The following SLC60A1 variants were observed in gnomAD, a reference collection of about 807,000 sequenced individuals.
The protein encoded by SLC60A1 is solute carrier family 60 member 1, also known as major facilitator superfamily domain containing 4.
the SLC60A1 span, chr1:205,585,933 C>T: frequency 8.4e-6 from 11 of 1,313,782 alleles, no homozygotes; most frequent in East Asian, 2.7e-4. The surrounding 1 kb of genome is among the most constrained non-coding windows in gnomAD (Gnocchi z 4.2). Flanking sequence ...AGGCAGTCCT[C>T]CCTCTGCCCT....
At chr1:205,587,266 C>G in the SLC60A1 span, among the ~76,000 whole-genome samples, 3 of 152,216 alleles carry the variant, frequency 2.0e-5, no homozygotes, top group Non-Finnish European at 4.4e-5. Context: ...AACTGCAACT[C>G]ACTACCTTTC....
the SLC60A1 span, among the ~76,000 whole-genome samples, chr1:205,578,121 C>T: frequency 1.3e-5 from 2 of 152,216 alleles, no homozygotes; most frequent in Non-Finnish European, 2.9e-5. Flanking sequence ...GCTAGTTCTT[C>T]GAGAGAGTTT....
chr1:205,583,685 A>ACAT, the SLC60A1 span, among the ~76,000 whole-genome samples: 1 of 152,172 alleles, frequency 6.6e-6, no homozygotes, highest in Non-Finnish European at 1.5e-5. Context: ...GCCAGCAGAG[A>ACAT]GTTTGAGTCT....
the SLC60A1 span, chr1:205,591,920 AGGCG>A: frequency 3.6e-6 from 2 of 550,314 alleles, no homozygotes; most frequent in Non-Finnish European, 6.4e-6. Context: ...GAAGATGTCT[AGGCG>A]GGGGTCTCCT....
the SLC60A1 span, chr1:205,584,172 C>T: frequency 3.2e-6 from 5 of 1,541,364 alleles, no homozygotes; most frequent in Admixed American, 1.8e-5. Flanking sequence ...GTTGAGGCTT[C>T]CTTGGTAACC....
chr1:205,602,645 A>C, the SLC60A1 span: 1 of 152,568 alleles, frequency 6.6e-6, no homozygotes, highest in African/African-American at 2.4e-5. Context: ...CTGGTGGTCT[A>C]GGAGTATAGT....
the SLC60A1 span, among the ~76,000 whole-genome samples, chr1:205,581,672 G>A: frequency 1.3e-5 from 2 of 152,152 alleles, no homozygotes; most frequent in Non-Finnish European, 2.9e-5. This position sits in a 1 kb window ranked among gnomAD's most constrained non-coding sequence, Gnocchi z 4.2. Context: ...CATTACAGTG[G>A]CCACTGTCTT....
At chr1:205,579,642 A>G in the SLC60A1 span, 1 of 1,250,282 alleles carries the variant, frequency 8.0e-7, no homozygotes, top group Non-Finnish European at 1.2e-6. Context: ...TTCCTTTTCT[A>G]CCAGAGGGGG....
chr1:205,592,109 T>C, the SLC60A1 span: 1 of 1,612,264 alleles, frequency 6.2e-7, no homozygotes, highest in Non-Finnish European at 8.5e-7. Context: ...CTTTTCGCAA[T>C]TCCTAACCGC....
chr1:205,574,912 AAT>A, the SLC60A1 span, among the ~76,000 whole-genome samples: 3 of 152,106 alleles, frequency 2.0e-5, no homozygotes, highest in Non-Finnish European at 2.9e-5. Context: ...CGTAGCTTGG[AAT>A]CTCCCCAAAG....
chr1:205,599,176 A>T, the SLC60A1 span: 4 of 1,614,062 alleles, frequency 2.5e-6, no homozygotes, highest in Non-Finnish European at 3.4e-6. Flanking sequence ...CTGTGGCGTG[A>T]TCTTTGGTTG....
the SLC60A1 span, among the ~76,000 whole-genome samples, chr1:205,583,313 A>C: frequency 6.6e-6 from 1 of 152,196 alleles, no homozygotes; most frequent in Non-Finnish European, 1.5e-5. Context: ...TTTCTCAATC[A>C]AAAGGAGATC....
chr1:205,602,421 T>C, the SLC60A1 span: 1 of 152,644 alleles, frequency 6.6e-6, no homozygotes, highest in Non-Finnish European at 1.5e-5. Context: ...TTTTCACATG[T>C]AAAATGGCAT....
chr1:205,597,216 T>C, the SLC60A1 span, among the ~76,000 whole-genome samples: 22 of 152,234 alleles, frequency 1.4e-4, no homozygotes, highest in South Asian at 8.3e-4. Context: ...CCCTGAGATA[T>C]TGATGAGCAA....
the SLC60A1 span, chr1:205,580,074 G>C: frequency 5.7e-6 from 6 of 1,054,580 alleles, no homozygotes; most frequent in East Asian, 1.3e-4. This position sits in a 1 kb window ranked among gnomAD's most constrained non-coding sequence, Gnocchi z 5.0. Flanking sequence ...GTAAGTTCTA[G>C]ACTCGGTTTT....
the SLC60A1 span, among the ~76,000 whole-genome samples, chr1:205,582,145 C>T: frequency 5.9e-5 from 9 of 152,172 alleles, no homozygotes; most frequent in Admixed American, 2.0e-4. Flanking sequence ...GGAAAGAATG[C>T]GGCTTTGGGC....
At chr1:205,569,019 T>C in the SLC60A1 span, 1 of 1,161,542 alleles carries the variant, frequency 8.6e-7, no homozygotes, top group South Asian at 2.1e-5. Flanking sequence ...CGGGCGGCAC[T>C]CGGGCACCGG....
chr1:205,593,200 G>T, the SLC60A1 span, among the ~76,000 whole-genome samples: 3 of 152,068 alleles, frequency 2.0e-5, no homozygotes, highest in Non-Finnish European at 4.4e-5. Flanking sequence ...GCCGCGCGGG[G>T]TGGCTCACGC....
the SLC60A1 span, among the ~76,000 whole-genome samples, chr1:205,582,901 G>A: frequency 6.6e-6 from 1 of 152,198 alleles, no homozygotes; most frequent in African/African-American, 2.4e-5. Context: ...CAGGGGCAGG[G>A]AAGGGCTCCC....
Sources: allele counts gnomAD v4.1 joint callset (sites outside exome capture counted in the v4.1 genomes callset), GRCh38; gene constraint gnomAD v4.1.1; non-coding constraint Gnocchi (gnomAD v3.1); transcripts MANE v1.5; gene names NCBI Gene and HGNC (gene_info 2026-07-23, HGNC 2026-07-21).